Variants in MAN1A2 observed in about 807,000 individuals in gnomAD.
MAN1A2 encodes mannosidase alpha class 1A member 2, also known as mannosyl-oligosaccharide 1,2-alpha-mannosidase IB.
A neutral mutation model predicts 75.7 loss-of-function variants in MAN1A2; 26 were observed. The observed-to-expected ratio is 0.34, with a 90% CI of 0.25 to 0.48. MAN1A2 has a LOEUF of 0.48. Ranked by LOEUF, MAN1A2 falls within the 20% of genes least tolerant of loss-of-function variation. MAN1A2 has a pLI of 0.99. For synonymous variants in MAN1A2, 247 were observed against 264.6 expected (o/e 0.93, Z 0.65); for missense variants, 562 against 775.5 (o/e 0.72, Z 3.27).
chr1:117,402,219 A>G lies in MAN1A2; in HGVS notation c.336A>G (p.Arg112=), dbSNP rs200689497. Residue 112 remains arginine, a synonymous_variant, in exon 2 of 13, where the codon CGA becomes CGG. Transcript: ENST00000356554. ...EEEERLRNKI[R]ADHEKALEEA... ...AAGAACGTCTGAGAAATAAAATTCG[A>G]GCTGATCATGAGAAGGCCTTGGAAG... The G allele has an allele frequency of 8.7e-6, 14 of 1,611,712 alleles. No homozygotes were observed. The East Asian group carries it at 3.1e-4, about 36-fold the overall frequency.
chr1:117,453,018 G>C (rs527447422), intron 6 of MAN1A2, among the ~76,000 whole-genome samples: 1 of 152,296 alleles, frequency 6.6e-6, no homozygotes, highest in South Asian at 2.1e-4. Context: ...TCTACTCCCT[G>C]TGTGGTCTGT....
At chr1:117,486,888 A>G (rs980045527) in intron 8 of MAN1A2, among the ~76,000 whole-genome samples, 3 of 152,044 alleles carry the variant, frequency 2.0e-5, no homozygotes, top group African/African-American at 7.2e-5. Flanking sequence ...CAATGACTGT[A>G]AGAACAAACA....
At chr1:117,458,507 A>ATC (rs1239949428) in intron 6 of MAN1A2, among the ~76,000 whole-genome samples, 7 of 111,590 alleles carry the variant, frequency 6.3e-5, no homozygotes, top group Non-Finnish European at 1.1e-4. Flanking sequence ...CTATATATAT[A>ATC]TATAGATATA....
At chr1:117,464,191 C>G (rs1379615654) in intron 7 of MAN1A2, among the ~76,000 whole-genome samples, 1 of 151,226 alleles carries the variant, frequency 6.6e-6, no homozygotes, top group Non-Finnish European at 1.5e-5. Context: ...CATGGTGAAA[C>G]CACTTCTCTA....
chr1:117,482,331 C>G (rs1273984441), intron 8 of MAN1A2, among the ~76,000 whole-genome samples: 1 of 152,010 alleles, frequency 6.6e-6, no homozygotes, highest in Non-Finnish European at 1.5e-5. Context: ...TACACTCCCA[C>G]CAACAGTGTA....
chr1:117,451,163 C>T (rs535782127), intron 6 of MAN1A2, among the ~76,000 whole-genome samples: 1 of 152,342 alleles, frequency 6.6e-6, no homozygotes, highest in South Asian at 2.1e-4. Context: ...CCTCTTGCAT[C>T]AGTGTGACCT....
chr1:117,460,425 A>G (rs1358135408), intron 6 of MAN1A2, 64 bp from the exon 7 acceptor site: 11 of 1,175,662 alleles, frequency 9.4e-6, no homozygotes, highest in Non-Finnish European at 1.3e-5. Flanking sequence ...TTACATATTC[A>G]TTAAACGAAT....
chr1:117,386,481 T>C (rs1653527917), intron 1 of MAN1A2, among the ~76,000 whole-genome samples: 1 of 152,104 alleles, frequency 6.6e-6, no homozygotes, highest in Admixed American at 6.5e-5. Flanking sequence ...CAATAAATAA[T>C]TGAATTATCC....
At chr1:117,513,099 T>C (rs1651591628) in intron 12 of MAN1A2, among the ~76,000 whole-genome samples, 1 of 152,120 alleles carries the variant, frequency 6.6e-6, no homozygotes, top group African/African-American at 2.4e-5. Flanking sequence ...CCATTCTAAT[T>C]TGGCAGTCAG....
rs1444948316 is a variant in MAN1A2, at chr1:117,493,200, G to A, written c.1222G>A (p.Ala408Thr). ...GDSFYEYLLK[A>T]WLMSDKTDHE... ...CAGTTTTTATGAATACTTACTGAAA[G>A]CATGGTTGATGTCAGATAAAACAGA... Residue 408 changes from alanine (A) to threonine (T), a missense_variant, in exon 9 of 13, where the codon GCA (alanine) becomes ACA (threonine). Physicochemically the swap from Ala to Thr is moderately conservative, Grantham distance 58 (BLOSUM62 0). Around this residue, in one of 2 missense-constraint regions of MAN1A2, gnomAD observed 434 missense variants for 645.7 expected, o/e 0.67. Coordinates refer to ENST00000356554, the MANE Select transcript of MAN1A2 (RefSeq NM_006699.5). 6.2e-7 allele frequency: 1 copy of A among 1,612,242 alleles called. No individual in the cohort carries two copies. The highest frequency in any genetic ancestry group is 2.2e-5 in the East Asian group (1 of 44,600).
chr1:117,455,857 CCT>C (rs1485033384), intron 6 of MAN1A2, among the ~76,000 whole-genome samples: 3 of 151,218 alleles, frequency 2.0e-5, no homozygotes, highest in Non-Finnish European at 3.0e-5. Context: ...TATTACATAT[CCT>C]CTCAAATTAA....
chr1:117,517,593 A>G (rs1651749932), intron 12 of MAN1A2, among the ~76,000 whole-genome samples: 1 of 152,046 alleles, frequency 6.6e-6, no homozygotes, highest in South Asian at 2.1e-4. Context: ...AAATGAAACA[A>G]GAGCAAAAAA....
At chr1:117,514,055 A>G (rs980437545) in intron 12 of MAN1A2, among the ~76,000 whole-genome samples, 6 of 152,134 alleles carry the variant, frequency 3.9e-5, no homozygotes, top group Non-Finnish European at 7.4e-5. Flanking sequence ...AATTCTTCCA[A>G]CATTTCTATG....
chr1:117,411,503 C>A (rs1179880756), intron 3 of MAN1A2, among the ~76,000 whole-genome samples: 1 of 151,680 alleles, frequency 6.6e-6, no homozygotes, highest in African/African-American at 2.4e-5. Context: ...ATCTTTGTGA[C>A]TTTGAGGTTA....
At chr1:117,402,558 G>A in intron 2 of MAN1A2, 117 bp downstream of exon 2, 1 of 926,728 alleles carries the variant, frequency 1.1e-6, no homozygotes, top group Non-Finnish European at 1.5e-6. Context: ...CATAGTTGTA[G>A]TATAGTTTCC....
intron 8 of MAN1A2, among the ~76,000 whole-genome samples, chr1:117,492,367 A>G (rs1650908409): frequency 6.6e-6 from 1 of 152,140 alleles, no homozygotes; most frequent in Non-Finnish European, 1.5e-5. Context: ...ACTTGCTGAA[A>G]GCCTCAGATC....
intron 8 of MAN1A2, among the ~76,000 whole-genome samples, chr1:117,468,190 C>T (rs1388679763): frequency 6.6e-6 from 1 of 152,052 alleles, no homozygotes; most frequent in African/African-American, 2.4e-5. Context: ...CATCCTTCTT[C>T]ACATGGTGGC....
In MAN1A2 at chr1:117,466,043, ATTTC is replaced by A. The variant is rs1167917165; in HGVS notation, c.1075-289_1075-286del. Among the ~76,000 whole-genome samples the A allele has an allele frequency of 2.0e-5, 3 of 152,126 alleles. No individual in the cohort carries two copies. In the East Asian group the frequency reaches 5.8e-4, roughly 29 times the overall value. ...TAAAATAACTGATGTTTCAGATGGT[ATTTC>A]TAGGTAGTAGCATGTTGAGATTTAA... is the stretch of plus-strand genomic sequence containing the variant. On this transcript the variant is annotated intron_variant, in intron 7 of 12. Coordinates refer to ENST00000356554, the MANE Select transcript of MAN1A2 (RefSeq NM_006699.5).
chr1:117,388,773 C>T (rs1243660425), intron 1 of MAN1A2, among the ~76,000 whole-genome samples: 2 of 152,160 alleles, frequency 1.3e-5, no homozygotes, highest in African/African-American at 2.4e-5. Context: ...GTACTAATAA[C>T]AGCTTGGGGC....
Sources: allele counts gnomAD v4.1 joint callset (sites outside exome capture counted in the v4.1 genomes callset), GRCh38; gene constraint gnomAD v4.1.1; regional missense constraint gnomAD v4.1.1; transcripts MANE v1.5; gene names NCBI Gene and HGNC (gene_info 2026-07-23, HGNC 2026-07-21).